Variants in ALCAM observed in about 807,000 individuals in gnomAD.
The protein encoded by ALCAM is activated leukocyte cell adhesion molecule.
Under a neutral mutation model 70.9 loss-of-function variants are expected in ALCAM, and 30 were observed. The ratio of observed to expected loss-of-function variants is 0.42; its 90% confidence interval spans 0.32 to 0.57. The LOEUF (loss-of-function observed/expected upper bound fraction) is 0.57. Among genes scored for constraint, ALCAM ranks in the 20% least tolerant of loss-of-function variants. ALCAM has a pLI of 0.11. For missense variants in ALCAM, 591 were observed against 695.1 expected (o/e 0.85, Z 1.68); for synonymous variants, 249 against 242.5 (o/e 1.03, Z -0.25).
chr3:105,413,469 G>A (rs533363841), intron 1 of ALCAM, among the ~76,000 whole-genome samples: 13 of 152,090 alleles, frequency 8.5e-5, no homozygotes, highest in Admixed American at 5.2e-4. Context: ...TACAGACCTG[G>A]GTGATTGTGC....
intron 1 of ALCAM, among the ~76,000 whole-genome samples, chr3:105,461,223 A>T (rs1169268178): frequency 6.6e-6 from 1 of 151,886 alleles, no homozygotes; most frequent in East Asian, 1.9e-4. Context: ...CCAAAGAAGA[A>T]TGCAGGCCAG....
At chr3:105,476,408 C>T (rs2152605565) in intron 1 of ALCAM, among the ~76,000 whole-genome samples, 1 of 152,152 alleles carries the variant, frequency 6.6e-6, no homozygotes, top group African/African-American at 2.4e-5. Context: ...ATGTCCAAAC[C>T]TAAATTTCTC....
rs1274238673 is a variant in ALCAM at position 105,574,628 on chromosome 3, A to G, written c.*177A>G. ...TCAGAGAATTATCTCAAGTAAAACA[A>G]ATGAAATTTAATTACAAACAATAAG... On this transcript the variant is annotated 3_prime_UTR_variant, in exon 16 of 16. Coordinates refer to ENST00000306107, the MANE Select transcript of ALCAM (RefSeq NM_001627.4). 1 of 152,638 alleles carries G rather than the reference A, an allele frequency of 6.6e-6. No individual in the cohort carries two copies. Among genetic ancestry groups the G allele is most frequent in the African/African-American group, 2.4e-5 (1 of 41,464 alleles). The allele number at this position is 152,638 out of a possible 1,614,324, so 9.5% of individuals were successfully genotyped here. A position where few individuals can be genotyped will look rare whatever the true frequency, so the allele number is the denominator to read the frequency against.
At chr3:105,554,941 A>G (rs569230820) in intron 14 of ALCAM, among the ~76,000 whole-genome samples, 35 of 103,718 alleles carry the variant, frequency 3.4e-4, no homozygotes, top group East Asian at 1.2e-3. Flanking sequence ...AATTAGCTGG[A>G]AAAAAAAACT....
At chr3:105,559,067 A>C (rs1559656529) in intron 14 of ALCAM, among the ~76,000 whole-genome samples, 1 of 151,798 alleles carries the variant, frequency 6.6e-6, no homozygotes. Context: ...CTGTAATTTA[A>C]ATTTTCTCTC....
chr3:105,506,925 A>G (rs1432927413), intron 1 of ALCAM, among the ~76,000 whole-genome samples: 1 of 152,066 alleles, frequency 6.6e-6, no homozygotes, highest in African/African-American at 2.4e-5. Flanking sequence ...CTGCCTGGGG[A>G]TTCAGCTGCC....
chr3:105,569,155 A>T (rs1440680347), intron 14 of ALCAM, among the ~76,000 whole-genome samples: 1 of 152,052 alleles, frequency 6.6e-6, no homozygotes, highest in African/African-American at 2.4e-5. Flanking sequence ...CAAACAAGTT[A>T]TGATTCTTAC....
chr3:105,492,778 A>T, intron 1 of ALCAM, among the ~76,000 whole-genome samples: 1 of 152,214 alleles, frequency 6.6e-6, no homozygotes, highest in East Asian at 1.9e-4. Flanking sequence ...ATGTACATTC[A>T]TTCAGAACTG....
intron 1 of ALCAM, among the ~76,000 whole-genome samples, chr3:105,429,433 A>G (rs1936872539): frequency 6.6e-6 from 1 of 152,018 alleles, no homozygotes; most frequent in African/African-American, 2.4e-5. Flanking sequence ...CATTTATAGT[A>G]TCAAATTATT....
intron 1 of ALCAM, among the ~76,000 whole-genome samples, chr3:105,494,487 G>A (rs951067297): frequency 2.1e-5 from 3 of 143,608 alleles, no homozygotes; most frequent in East Asian, 4.0e-4. Context: ...CTCTTTTTTC[G>A]GCCTAAGCAG....
At position 105,576,101 on chromosome 3, in the gene ALCAM, G is replaced by A. The variant is rs575812225; in HGVS notation, c.*1650G>A. 27 of 152,412 alleles carry A rather than the reference G, an allele frequency of 1.8e-4. No individual in the cohort carries two copies. The East Asian group carries it at 3.1e-3, about 17-fold the overall frequency. The allele number at this position is 152,412 out of a possible 1,614,324, so 9.4% of individuals were successfully genotyped here. On this transcript the variant is annotated 3_prime_UTR_variant, in exon 16 of 16. Coordinates refer to ENST00000306107, the MANE Select transcript of ALCAM (RefSeq NM_001627.4). ...AAATGCATAAAATATTCTTAGACTCGATGCTGTATAAAATATTATGGGAAA... is the reference window on the plus strand; with the variant it reads ...AAATGCATAAAATATTCTTAGACTCAATGCTGTATAAAATATTATGGGAAA...
intron 1 of ALCAM, among the ~76,000 whole-genome samples, chr3:105,446,855 C>A (rs772393204): frequency 6.6e-6 from 1 of 151,920 alleles, no homozygotes; most frequent in Non-Finnish European, 1.5e-5. Context: ...AGATCTGGAA[C>A]GTGTACAAGA....
intron 1 of ALCAM, among the ~76,000 whole-genome samples, chr3:105,413,063 G>T (rs1262173722): frequency 6.6e-6 from 1 of 152,030 alleles, no homozygotes; most frequent in Admixed American, 6.6e-5. Context: ...TGCCATTCAG[G>T]TAGACCCAGT....
intron 1 of ALCAM, among the ~76,000 whole-genome samples, chr3:105,441,906 A>G (rs1035182933): frequency 6.6e-6 from 1 of 152,208 alleles, no homozygotes; most frequent in African/African-American, 2.4e-5. Context: ...CTGAGTGGCA[A>G]TATATTCATT....
At chr3:105,399,268 T>C (rs1936027939) in intron 1 of ALCAM, among the ~76,000 whole-genome samples, 1 of 152,136 alleles carries the variant, frequency 6.6e-6, no homozygotes, top group Non-Finnish European at 1.5e-5. Flanking sequence ...TGACCTATTT[T>C]TTTTCTTTAC....
At chr3:105,478,076 C>T (rs1379499454) in intron 1 of ALCAM, among the ~76,000 whole-genome samples, 1 of 151,982 alleles carries the variant, frequency 6.6e-6, no homozygotes, top group Non-Finnish European at 1.5e-5. Flanking sequence ...ATTTTTTCCC[C>T]TGAAAATTGC....
chr3:105,438,558 A>G (rs1937103973), intron 1 of ALCAM, among the ~76,000 whole-genome samples: 1 of 152,242 alleles, frequency 6.6e-6, no homozygotes, highest in South Asian at 2.1e-4. Context: ...ATAATGAATT[A>G]TCTAATTATT....
chr3:105,531,947 A>G (rs1473656357), intron 3 of ALCAM, 55 bp from the exon 4 acceptor site: 22 of 1,389,110 alleles, frequency 1.6e-5, no homozygotes, highest in Admixed American at 1.5e-4. Context: ...ATCAAATCAC[A>G]GAAGTCCCGT....
intron 1 of ALCAM, among the ~76,000 whole-genome samples, chr3:105,386,676 A>G (rs1935664236): frequency 6.6e-6 from 1 of 151,256 alleles, no homozygotes; most frequent in African/African-American, 2.4e-5. Context: ...ATATATATAT[A>G]TCTGTAATTG....
Sources: allele counts gnomAD v4.1 joint callset (sites outside exome capture counted in the v4.1 genomes callset), GRCh38; gene constraint gnomAD v4.1.1; transcripts MANE v1.5; gene names NCBI Gene and HGNC (gene_info 2026-07-23, HGNC 2026-07-21).